The following SGCZ variants were observed in gnomAD, a reference collection of about 807,000 sequenced individuals.
SGCZ encodes the protein sarcoglycan zeta, also known as zeta-sarcoglycan.
Under a neutral mutation model 41.3 loss-of-function variants are expected in SGCZ, and 40 were observed. The observed-to-expected ratio is 0.97, with a 90% confidence interval of 0.75 to 1.26. SGCZ has a LOEUF of 1.26. SGCZ is among the 50% of genes most tolerant of loss of function. SGCZ has a pLI of 0.00. For synonymous variants in SGCZ, 206 were observed against 137.5 expected (o/e 1.50, Z -3.49); for missense variants, 552 against 369.8 (o/e 1.49, Z -4.04).
chr8:14,108,709 C>T (rs1563131427), intron 5 of SGCZ, among the ~76,000 whole-genome samples: 1 of 152,084 alleles, frequency 6.6e-6, no homozygotes, highest in Non-Finnish European at 1.5e-5. Context: ...CAAACCGTAT[C>T]ACAGGATATG....
chr8:14,479,175 A>C (rs1047611492), intron 2 of SGCZ, among the ~76,000 whole-genome samples: 2 of 152,214 alleles, frequency 1.3e-5, no homozygotes, highest in Non-Finnish European at 2.9e-5. Flanking sequence ...CAAAACCTCA[A>C]AAGTAGTGAA....
chr8:15,174,716 C>G (rs1279458330), intron 1 of SGCZ, among the ~76,000 whole-genome samples: 2 of 152,158 alleles, frequency 1.3e-5, no homozygotes, highest in African/African-American at 2.4e-5. Context: ...TCGGTTCAGA[C>G]AGAATTCTTA....
At chr8:15,141,206 T>C (rs995625091) in intron 1 of SGCZ, among the ~76,000 whole-genome samples, 1 of 152,248 alleles carries the variant, frequency 6.6e-6, no homozygotes, top group Non-Finnish European at 1.5e-5. Flanking sequence ...GTTGAGTAAC[T>C]TGTCTTTCCC....
intron 1 of SGCZ, among the ~76,000 whole-genome samples, chr8:14,715,053 T>C (rs1809643937): frequency 6.6e-6 from 1 of 152,110 alleles, no homozygotes; most frequent in Non-Finnish European, 1.5e-5. Flanking sequence ...ATTTTAAAAA[T>C]ATATATTCTT....
intron 1 of SGCZ, among the ~76,000 whole-genome samples, chr8:14,798,914 A>C (rs1801223448): frequency 6.7e-6 from 1 of 148,174 alleles, no homozygotes; most frequent in Admixed American, 6.7e-5. Context: ...TTAATAAAAA[A>C]TCTTTTTACT....
intron 1 of SGCZ, among the ~76,000 whole-genome samples, chr8:14,747,650 G>C (rs1799373183): frequency 7.7e-6 from 1 of 129,604 alleles, no homozygotes; most frequent in South Asian, 2.6e-4. Context: ...TACAGGGAAA[G>C]GGTACAAGGC....
At chr8:14,403,032 T>C (rs1799120114) in intron 2 of SGCZ, among the ~76,000 whole-genome samples, 1 of 149,990 alleles carries the variant, frequency 6.7e-6, no homozygotes, top group Non-Finnish European at 1.5e-5. Context: ...TTCCTAGGTA[T>C]TTTCTTCTCT....
chr8:14,604,799 G>T (rs925264141), intron 1 of SGCZ, among the ~76,000 whole-genome samples: 3 of 152,088 alleles, frequency 2.0e-5, no homozygotes, highest in African/African-American at 7.2e-5. Flanking sequence ...AATAGTCCAT[G>T]GAAATTCAAG....
chr8:14,326,572 G>A (rs900800278), intron 2 of SGCZ, among the ~76,000 whole-genome samples: 3 of 152,124 alleles, frequency 2.0e-5, no homozygotes, highest in Non-Finnish European at 4.4e-5. Context: ...ATTAAAATTA[G>A]GATGAGAGTG....
At chr8:14,580,817 T>G (rs76676156) in intron 1 of SGCZ, among the ~76,000 whole-genome samples, 5,825 of 152,276 alleles carry the variant, frequency 0.038, 261 homozygotes, top group African/African-American at 0.11. Context: ...ATTGCAGTAG[T>G]GGCCTGGAGA....
At chr8:14,609,255 T>G (rs1805851273) in intron 1 of SGCZ, among the ~76,000 whole-genome samples, 1 of 152,176 alleles carries the variant, frequency 6.6e-6, no homozygotes, top group South Asian at 2.1e-4. Flanking sequence ...TTTGGTTTAT[T>G]TATTTCCTTA....
intron 2 of SGCZ, among the ~76,000 whole-genome samples, chr8:14,343,781 C>T (rs1268579840): frequency 2.0e-5 from 3 of 152,018 alleles, no homozygotes; most frequent in African/African-American, 7.3e-5. Context: ...GGTAAATCCT[C>T]TCTAAGCAAA....
At chr8:14,830,258 AT>A (rs57813453) in intron 1 of SGCZ, among the ~76,000 whole-genome samples, 77 of 148,396 alleles carry the variant, frequency 5.2e-4, no homozygotes, top group African/African-American at 6.1e-4. Flanking sequence ...TGGTTTCCAA[AT>A]TTTTTTTTTT....
intron 1 of SGCZ, among the ~76,000 whole-genome samples, chr8:14,807,602 C>A: frequency 6.6e-6 from 1 of 151,794 alleles, no homozygotes; most frequent in East Asian, 1.9e-4. Context: ...AATGGAAGAA[C>A]ATTCCATGCT....
intron 2 of SGCZ, among the ~76,000 whole-genome samples, chr8:14,490,040 G>A (rs962427706): frequency 2.6e-5 from 4 of 151,728 alleles, no homozygotes; most frequent in Non-Finnish European, 4.4e-5. Flanking sequence ...GCTAATGTTT[G>A]TCTTTTTAGT....
chr8:14,272,267 G>C (rs1037966575), intron 3 of SGCZ, among the ~76,000 whole-genome samples: 1 of 152,182 alleles, frequency 6.6e-6, no homozygotes, highest in Non-Finnish European at 1.5e-5. Flanking sequence ...GCCTCCCGAA[G>C]TGCTGGGATT....
chr8:15,031,986 A>C (rs1157987747), intron 1 of SGCZ, among the ~76,000 whole-genome samples: 1 of 150,730 alleles, frequency 6.6e-6, no homozygotes, highest in Non-Finnish European at 1.5e-5. Context: ...TCATTTTTGC[A>C]TACACCAAAT....
At chr8:14,747,378 C>A (rs1003220206) in intron 1 of SGCZ, among the ~76,000 whole-genome samples, 1 of 152,088 alleles carries the variant, frequency 6.6e-6, no homozygotes, top group African/African-American at 2.4e-5. Context: ...GGTGGCCTGG[C>A]CATATTTCAG....
chr8:14,680,124 T>C (rs1808395984), intron 1 of SGCZ, among the ~76,000 whole-genome samples: 1 of 152,094 alleles, frequency 6.6e-6, no homozygotes, highest in Non-Finnish European at 1.5e-5. Flanking sequence ...CATGCATGAC[T>C]ATATGTGATA....
Sources: gnomAD v4.1 joint callset for allele counts (sites outside exome capture counted in the v4.1 genomes callset) on GRCh38, gnomAD v4.1.1 for gene constraint, MANE v1.5 for transcripts, NCBI Gene and HGNC (gene_info 2026-07-23, HGNC 2026-07-21) for gene names.